Variants in SPG11 observed in about 807,000 individuals in gnomAD.
SPG11 encodes spatacsin.
In SPG11, 222 loss-of-function variants were observed where a neutral mutation model predicts 274.0. The observed-to-expected ratio is 0.81, with a 90% CI of 0.73 to 0.91. The LOEUF (loss-of-function observed/expected upper bound fraction) is 0.91. Among genes scored for constraint, SPG11 ranks in the 40% least tolerant of loss-of-function variants. SPG11 has a pLI of 0.00. For missense variants in SPG11, 3,114 were observed against 2,872.7 expected (o/e 1.08, Z -1.92); for synonymous variants, 1,144 against 1,039.7 (o/e 1.10, Z -1.93).
At chr15:44,630,994 A>C (rs1269278692) in intron 8 of SPG11, among the ~76,000 whole-genome samples, 1 of 152,340 alleles carries the variant, frequency 6.6e-6, no homozygotes, top group South Asian at 2.1e-4. Flanking sequence ...CAGTGGAAAA[A>C]CAGCAGGTTG....
intron 7 of SPG11, among the ~76,000 whole-genome samples, chr15:44,636,549 C>T (rs1329253862): frequency 6.6e-6 from 1 of 152,014 alleles, no homozygotes; most frequent in Admixed American, 6.6e-5. Context: ...ATAATCCCAG[C>T]TACTCAGGAG....
rs925091439 is a variant in SPG11, at chr15:44,598,252, G to T, written c.4001+13C>A. 3.8e-6 allele frequency: 6 copies of T among 1,587,498 alleles called. No homozygotes were observed. In the African/African-American group the frequency reaches 8.1e-5, roughly 21 times the overall value. Reference sequence around the variant, plus strand: ...GCTTGTTAGAAAAGAGGCTGAGACTGCAACTCACAAACCTCTTTATTTCCT... The same window carrying T: ...GCTTGTTAGAAAAGAGGCTGAGACTTCAACTCACAAACCTCTTTATTTCCT... On this transcript the variant is annotated intron_variant, in intron 23 of 39. Coordinates refer to ENST00000261866, the MANE Select transcript of SPG11 (RefSeq NM_025137.4).
chr15:44,633,646 A>C lies in SPG11; in HGVS notation c.1603-9T>G. On this transcript the variant is annotated splice_polypyrimidine_tract_variant and intron_variant, in intron 7 of 39. Transcript: ENST00000261866. ...CGATTTTCTATCCCGGCCTGAAATG[A>C]GGAGGAAAATAAAAATCAGAAAAAA... is the stretch of plus-strand genomic sequence containing the variant. The C allele has an allele frequency of 6.2e-7, 1 of 1,612,684 alleles. No individual in the cohort carries two copies. The highest frequency in any genetic ancestry group is 8.5e-7 in the Non-Finnish European group (1 of 1,179,354).
chr15:44,606,445 G>A (rs2083320194), intron 19 of SPG11, among the ~76,000 whole-genome samples: 1 of 151,994 alleles, frequency 6.6e-6, no homozygotes, highest in South Asian at 2.1e-4. Context: ...ACTAGAAAAC[G>A]TTACCAGGTA....
chr15:44,608,170 TG>T (rs1166347683), intron 19 of SPG11, among the ~76,000 whole-genome samples: 1 of 152,204 alleles, frequency 6.6e-6, no homozygotes, highest in Non-Finnish European at 1.5e-5. Context: ...TTAGGCAGCC[TG>T]GTTGTTAGTT....
At chr15:44,652,329 T>C (rs1349077491) in intron 4 of SPG11, 63 bp from the exon 5 acceptor site, 5 of 1,551,008 alleles carry the variant, frequency 3.2e-6, no homozygotes, top group South Asian at 2.3e-5. Context: ...TTTGTGTTAC[T>C]ACTGCTCCTG....
chr15:44,637,081 A>T (rs1350206844), intron 7 of SPG11, among the ~76,000 whole-genome samples: 1 of 152,088 alleles, frequency 6.6e-6, no homozygotes, highest in Non-Finnish European at 1.5e-5. Context: ...AAAATCACAC[A>T]TATAAAAACA....
chr15:44,562,771 G>A lies in SPG11; in HGVS notation c.*350C>T. On this transcript the variant is annotated 3_prime_UTR_variant, in exon 40 of 40. Coordinates refer to ENST00000261866, the MANE Select transcript of SPG11 (RefSeq NM_025137.4). ...AATGTATCACCTGTTCCTTAACTGT[G>A]TAAATAATAATTAAATTTCTTTGAA... 4.3e-6 allele frequency: 1 copy of A among 234,704 alleles called. No homozygotes were observed. Among genetic ancestry groups the A allele is most frequent in the Non-Finnish European group, 8.5e-6 (1 of 118,096 alleles). The allele number at this position is 234,704 out of a possible 1,614,324, so 14.5% of individuals were successfully genotyped here. A position where few individuals can be genotyped will look rare whatever the true frequency, so the allele number is the denominator to read the frequency against.
chr15:44,636,925 C>CAAAAAAAAAAAAAACAAAAAAAAAA (rs2084276201), intron 7 of SPG11, among the ~76,000 whole-genome samples: 1 of 19,454 alleles, frequency 5.1e-5, no homozygotes, highest in Non-Finnish European at 8.0e-5. Flanking sequence ...GACTCCATCT[C>CAAAAAAAAAAAAAACAAAAAAAAAA]AAAAAAAAAA....
At chr15:44,644,508 C>A (rs1010424066) in intron 7 of SPG11, among the ~76,000 whole-genome samples, 1 of 152,188 alleles carries the variant, frequency 6.6e-6, no homozygotes, top group Middle Eastern at 3.4e-3. Flanking sequence ...CTGTGAGAAC[C>A]ATAACAAGAC....
chr15:44,594,885 C>T lies in SPG11; in HGVS notation c.4635+374G>A, dbSNP rs1015055379. Among the ~76,000 whole-genome samples, 31 of 152,216 alleles carry T rather than the reference C, an allele frequency of 2.0e-4. 1 individual carries two copies. Among genetic ancestry groups the T allele is most frequent in the Admixed American group, 6.5e-5 (1 of 15,280 alleles). On this transcript the variant is annotated intron_variant, in intron 26 of 39. Coordinates refer to ENST00000261866, the MANE Select transcript of SPG11 (RefSeq NM_025137.4). Reference sequence around the variant, plus strand: ...AGGCTGGAGTGCAGTGGCACGATCTCGGCTCACTGCAACCTCCACCTCCCA... The same window carrying T: ...AGGCTGGAGTGCAGTGGCACGATCTTGGCTCACTGCAACCTCCACCTCCCA...
intron 30 of SPG11, among the ~76,000 whole-genome samples, chr15:44,582,247 A>C (rs1312424586): frequency 6.6e-6 from 1 of 152,106 alleles, no homozygotes; most frequent in Non-Finnish European, 1.5e-5. Flanking sequence ...TGATACAAAA[A>C]CCAAACAGTA....
intron 30 of SPG11, among the ~76,000 whole-genome samples, chr15:44,578,173 C>T (rs1371101578): frequency 1.3e-5 from 2 of 151,278 alleles, no homozygotes; most frequent in Non-Finnish European, 3.0e-5. Flanking sequence ...TATAGGCGCC[C>T]GCCACCACGC....
intron 15 of SPG11, among the ~76,000 whole-genome samples, chr15:44,618,290 C>T (rs954485410): frequency 8.6e-5 from 13 of 151,082 alleles, no homozygotes; most frequent in African/African-American, 2.4e-4. Context: ...AGGCGGATCA[C>T]GAGGTCAGGA....
At position 44,608,566 on chromosome 15, in the gene SPG11, CT is replaced by C. The variant is rs760033443; in HGVS notation, c.3330del (p.Val1111TrpfsTer6). The C allele has an allele frequency of 1.9e-6, 3 of 1,614,048 alleles. No homozygotes were observed. The highest frequency in any genetic ancestry group is 2.5e-6 in the Non-Finnish European group (3 of 1,180,002). On this transcript the variant is annotated frameshift_variant, in exon 19 of 40. Coordinates refer to ENST00000261866, the MANE Select transcript of SPG11 (RefSeq NM_025137.4). LOFTEE classifies it high-confidence loss of function. Reference protein sequence around the residue: ...QNEENENCLKKVDPQLLKMAL... With the variant: ...QNEENENCLKXVDPQLLKMAL... ...GCCATCTTCAATAGCTGGGGATCCA[CT>C]TTCTTCAAACAGTTTTCATTTTCTT... is the stretch of plus-strand genomic sequence containing the variant.
At chr15:44,659,434 A>C in intron 2 of SPG11, 131 bp from the exon 3 acceptor site, 1 of 780,830 alleles carries the variant, frequency 1.3e-6, no homozygotes, top group Admixed American at 2.2e-5. Flanking sequence ...TTACGCAGTT[A>C]TCGTTCACAC....
chr15:44,570,998 C>T (rs2082412095), intron 33 of SPG11, among the ~76,000 whole-genome samples: 2 of 152,148 alleles, frequency 1.3e-5, no homozygotes, highest in Non-Finnish European at 1.5e-5. Flanking sequence ...CAACATGAAT[C>T]CAAGGGCATT....
intron 13 of SPG11, 67 bp downstream of exon 13, chr15:44,622,153 A>G (rs1316227099): frequency 6.5e-7 from 1 of 1,543,900 alleles, no homozygotes; most frequent in Non-Finnish European, 8.9e-7. Context: ...TGTGTTCACT[A>G]ACAACTATAA....
chr15:44,581,650 T>C (rs1595839806), intron 30 of SPG11, among the ~76,000 whole-genome samples: 1 of 151,434 alleles, frequency 6.6e-6, no homozygotes, highest in East Asian at 1.9e-4. Context: ...TCCCAGCACT[T>C]TGGGAGGCCA....
Sources: allele counts gnomAD v4.1 joint callset (sites outside exome capture counted in the v4.1 genomes callset), GRCh38; gene constraint gnomAD v4.1.1; transcripts MANE v1.5; gene names NCBI Gene and HGNC (gene_info 2026-07-23, HGNC 2026-07-21).